Variants in ATP6V0A4 observed in about 807,000 individuals in gnomAD.
The protein encoded by ATP6V0A4 is ATPase H+ transporting V0 subunit a4.
In ATP6V0A4, 86 loss-of-function variants were observed where a neutral mutation model predicts 107.3. That is an observed-to-expected ratio of 0.80 (90% CI 0.67 to 0.96). The LOEUF (loss-of-function observed/expected upper bound fraction) is 0.96. ATP6V0A4 is among the 40% of genes least tolerant of loss of function. The probability of loss-of-function intolerance (pLI) is 0.00; values close to 1 mark genes in which losing one functional copy is unlikely to be tolerated. For missense variants in ATP6V0A4, 908 were observed against 1,045.6 expected (o/e 0.87, Z 1.81); for synonymous variants, 353 against 381.4 (o/e 0.93, Z 0.87).
chr7:138,735,976 A>T (rs1805297603), intron 15 of ATP6V0A4, among the ~76,000 whole-genome samples: 1 of 126,020 alleles, frequency 7.9e-6, no homozygotes, highest in Admixed American at 8.6e-5. Context: ...GCAGAGGCAG[A>T]AGAATCACTT....
rs969750040 is a variant in ATP6V0A4, at chr7:138,773,349, G to A, written c.-17-2085C>T. On this transcript the variant is annotated intron_variant, in intron 2 of 21. Transcript: ENST00000310018. This position sits in a 1 kb window ranked among gnomAD's most constrained non-coding sequence, Gnocchi z 5.4. ...TCCTCCTCTCCACCGTCCATCCCAC[G>A]CCCCGCATGACCCTGTCACTCCTCC... Among the ~76,000 whole-genome samples, 1 of 151,820 alleles carries A rather than the reference G, an allele frequency of 6.6e-6. No homozygotes were observed. Among genetic ancestry groups the A allele is most frequent in the Non-Finnish European group, 1.5e-5 (1 of 67,952 alleles).
chr7:138,714,416 G>A (rs1446467661), intron 20 of ATP6V0A4, among the ~76,000 whole-genome samples: 2 of 152,012 alleles, frequency 1.3e-5, no homozygotes, highest in South Asian at 2.1e-4. Flanking sequence ...CCAGGGGCTC[G>A]GATCTTTATC....
intron 9 of ATP6V0A4, 54 bp from the exon 10 acceptor site, chr7:138,755,836 T>C: frequency 1.3e-6 from 2 of 1,598,010 alleles, no homozygotes; most frequent in Admixed American, 1.7e-5. Context: ...CAAAGCATTC[T>C]GCATCCCCTT....
intron 13 of ATP6V0A4, among the ~76,000 whole-genome samples, chr7:138,746,516 T>C (rs1024144659): frequency 2.6e-5 from 4 of 152,058 alleles, no homozygotes; most frequent in African/African-American, 4.8e-5. Context: ...TATTTTTTTT[T>C]TTTTTAAGAT....
intron 16 of ATP6V0A4, among the ~76,000 whole-genome samples, chr7:138,733,624 G>T (rs1805149247): frequency 6.9e-6 from 1 of 144,710 alleles, no homozygotes; most frequent in South Asian, 2.2e-4. Context: ...TGTCACCCAG[G>T]CTGGAGTGCA....
At chr7:138,783,958 T>C (rs750414167) in intron 2 of ATP6V0A4, among the ~76,000 whole-genome samples, 17 of 151,950 alleles carry the variant, frequency 1.1e-4, no homozygotes, top group Non-Finnish European at 1.2e-4. Context: ...ATTTTCTAAG[T>C]TCCCTACTGT....
chr7:138,744,547 C>T (rs1349893574), intron 14 of ATP6V0A4, among the ~76,000 whole-genome samples: 1 of 146,396 alleles, frequency 6.8e-6, no homozygotes, highest in Admixed American at 6.8e-5. Flanking sequence ...CTCTCATTTG[C>T]TTTTGAGACA....
At chr7:138,708,800 G>A (rs912497935) in intron 21 of ATP6V0A4, among the ~76,000 whole-genome samples, 8 of 152,154 alleles carry the variant, frequency 5.3e-5, no homozygotes, top group East Asian at 3.9e-4. Context: ...TTCACTGGGC[G>A]CAGTGGCTCA....
At chr7:138,752,874 T>G in intron 10 of ATP6V0A4, 37 bp from the exon 11 acceptor site, 16 of 1,609,552 alleles carry the variant, frequency 9.9e-6, no homozygotes, top group Non-Finnish European at 1.4e-5. Flanking sequence ...ACAGAGAACC[T>G]TCACAGAGCT....
intron 21 of ATP6V0A4, among the ~76,000 whole-genome samples, chr7:138,707,175 T>TATA (rs1803433826): frequency 1.8e-5 from 1 of 56,682 alleles, no homozygotes; most frequent in South Asian, 4.2e-4. Context: ...ATTATATATA[T>TATA]TATATAATAT....
intron 5 of ATP6V0A4, among the ~76,000 whole-genome samples, chr7:138,766,535 A>G (rs1807102524): frequency 6.6e-6 from 1 of 151,762 alleles, no homozygotes; most frequent in African/African-American, 2.4e-5. Context: ...TTTTTAATCC[A>G]TCTAAGAGAC....
chr7:138,789,007 T>C (rs1245965026), intron 1 of ATP6V0A4, among the ~76,000 whole-genome samples: 3 of 152,180 alleles, frequency 2.0e-5, no homozygotes, highest in East Asian at 3.8e-4. Context: ...AGGTTAAAGA[T>C]TGGCCCGGAT....
chr7:138,768,956 C>A, intron 4 of ATP6V0A4, 82 bp from the exon 5 acceptor site: 1 of 1,591,652 alleles, frequency 6.3e-7, no homozygotes, highest in Non-Finnish European at 8.6e-7. Context: ...AAGACATGTG[C>A]CTTTCACTCA....
chr7:138,757,419 G>T (rs1391473642), intron 8 of ATP6V0A4, among the ~76,000 whole-genome samples: 4 of 152,142 alleles, frequency 2.6e-5, no homozygotes, highest in African/African-American at 9.7e-5. Flanking sequence ...GGAAGGCTGA[G>T]GTGGGAGGAT....
At chr7:138,730,050 A>G (rs1017999504) in intron 17 of ATP6V0A4, among the ~76,000 whole-genome samples, 4 of 152,040 alleles carry the variant, frequency 2.6e-5, no homozygotes, top group Non-Finnish European at 5.9e-5. Context: ...CACCCGGCTA[A>G]TTTTTTTGTA....
intron 9 of ATP6V0A4, among the ~76,000 whole-genome samples, chr7:138,756,169 C>T (rs569468415): frequency 6.6e-6 from 1 of 152,280 alleles, no homozygotes; most frequent in South Asian, 2.1e-4. Context: ...AACAAGTTAG[C>T]CATGCAGTTG....
intron 10 of ATP6V0A4, among the ~76,000 whole-genome samples, chr7:138,755,246 A>C (rs1189076273): frequency 6.6e-6 from 1 of 152,222 alleles, no homozygotes; most frequent in African/African-American, 2.4e-5. Flanking sequence ...GGATGAATGA[A>C]TGTTCACATG....
intron 21 of ATP6V0A4, 124 bp from the exon 22 acceptor site, chr7:138,706,841 T>G (rs2117166917): frequency 6.7e-7 from 1 of 1,498,020 alleles, no homozygotes; most frequent in Non-Finnish European, 9.0e-7. Context: ...TCAGAAGGGT[T>G]GGCCACGGCA....
At chr7:138,718,144 A>G in intron 19 of ATP6V0A4, among the ~76,000 whole-genome samples, 1 of 54,498 alleles carries the variant, frequency 1.8e-5, no homozygotes, top group African/African-American at 6.4e-5. Flanking sequence ...GACGTCCAGG[A>G]AGGAAGGGGG....
Sources: gnomAD v4.1 joint callset for allele counts (sites outside exome capture counted in the v4.1 genomes callset) on GRCh38, gnomAD v4.1.1 for gene constraint, Gnocchi (gnomAD v3.1) non-coding constraint, MANE v1.5 for transcripts, NCBI Gene and HGNC (gene_info 2026-07-23, HGNC 2026-07-21) for gene names.